The following SAMD11 variants were observed in gnomAD, a reference collection of about 807,000 sequenced individuals.
SAMD11 encodes the protein sterile alpha motif domain containing 11, also known as sterile alpha motif domain-containing protein 11.
Under a neutral mutation model 64.4 loss-of-function variants are expected in SAMD11, and 77 were observed. The ratio of observed to expected loss-of-function variants is 1.20; its 90% CI spans 0.99 to 1.44. The LOEUF is 1.44. SAMD11 is among the 40% of genes most tolerant of loss of function. The pLI, the probability that SAMD11 is intolerant of heterozygous loss-of-function variation, is 0.00. For missense variants in SAMD11, 1,402 were observed against 943.3 expected, an observed-to-expected ratio of 1.49 and a Z score of -6.37; for synonymous variants, 658 against 421.9, an observed-to-expected ratio of 1.56 and a Z score of -6.86.
intron 5 of SAMD11, 103 bp downstream of exon 5, chr1:935,999 C>A (rs1641414792): frequency 3.9e-6 from 5 of 1,265,914 alleles, no homozygotes; most frequent in Non-Finnish European, 5.5e-6. Context: ...GCCAGAGAGG[C>A]AGGAGGAGCG....
At chr1:941,846 T>C (rs1359147591) in intron 8 of SAMD11, among the ~76,000 whole-genome samples, 1 of 151,976 alleles carries the variant, frequency 6.6e-6, no homozygotes, top group African/African-American at 2.4e-5. Flanking sequence ...ACGCCCCCGC[T>C]TCCCCCGCCG....
Position 944,072 on chromosome 1 carries a change from C to T in SAMD11, c.2454C>T (p.Ala818=), listed in dbSNP as rs781320019. Residue 818 remains alanine, a synonymous_variant, in exon 14 of 14, where the codon GCC becomes GCT. Transcript: ENST00000616016. ...CCTATGGAGGGGGCCACGCCCTTGC[C>T]GGTCAAACTTCACCCAAGCAGGAGA... The part of the protein sequence containing the change: ...TSPYGGGHAL[A]GQTSPKQENG... The T allele has an allele frequency of 3.8e-5, 61 of 1,612,526 alleles. No homozygotes were observed. The highest frequency in any genetic ancestry group is 3.0e-4 in the Admixed American group (18 of 59,996).
At chr1:941,335 G>C (rs1425232025) in intron 8 of SAMD11, 29 bp downstream of exon 8, 1 of 1,507,712 alleles carries the variant, frequency 6.6e-7, no homozygotes, top group Non-Finnish European at 8.9e-7. Flanking sequence ...TTCTCTGCTT[G>C]TTTCTGGGGT....
chr1:927,584 A>T (rs1640955206), intron 2 of SAMD11, among the ~76,000 whole-genome samples: 1 of 152,086 alleles, frequency 6.6e-6, no homozygotes, highest in Admixed American at 6.5e-5. Context: ...TCCAGCCCCC[A>T]TGTTTCTTAC....
intron 10 of SAMD11, 21 bp downstream of exon 10, chr1:942,509 G>C (rs1219348370): frequency 1.4e-6 from 2 of 1,446,918 alleles, no homozygotes; most frequent in African/African-American, 3.0e-5. Context: ...GGAGGCGGGC[G>C]GGGCCGCGCG....
chr1:934,941 G>T lies in SAMD11; in HGVS notation c.843-831G>T, dbSNP rs144561831. Among the ~76,000 whole-genome samples the T allele has an allele frequency of 2.0e-4, 27 of 133,996 alleles. 2 individuals carry two copies. The highest frequency in any genetic ancestry group is 8.6e-4 in the African/African-American group (24 of 27,982). The allele number at this position is 133,996 out of a possible 152,430, so 87.9% of individuals were successfully genotyped here. A position where few individuals can be genotyped will look rare whatever the true frequency, so the allele number is the denominator to read the frequency against. ...TGCGTTACAGGTGGGCGGGGGGGGC[G>T]GCTGCGTTACAGGTGGGCGGGCGGT... is the stretch of plus-strand genomic sequence containing the variant. On this transcript the variant is annotated intron_variant, in intron 4 of 13. Transcript: ENST00000616016.
intron 12 of SAMD11, 87 bp downstream of exon 12, chr1:943,464 T>TC: frequency 8.4e-7 from 1 of 1,189,140 alleles, no homozygotes; most frequent in South Asian, 1.5e-5. Flanking sequence ...GTAGGGCCAT[T>TC]CCCCAACGCC....
At position 943,369 on chromosome 1, in the gene SAMD11, T is replaced by A; in HGVS notation, c.2170T>A (p.Tyr724Asn). ...FVGGLSGCGE[Y>N]TRVFREQGID... ...GGGGGGCCTGTCTGGCTGTGGAGAG[T>A]ACACTCGGGTAAGGGGGGGCCCCAG... The change falls in exon 12 of 14, where the codon TAC becomes AAC. Residue 724 changes from tyrosine (Y) to asparagine (N), a missense_variant. Physicochemically the swap from Tyr to Asn is moderately radical, Grantham distance 143. Transcript: ENST00000616016. 1 of 1,553,766 alleles carries A rather than the reference T, an allele frequency of 6.4e-7. No individual in the cohort carries two copies. The highest frequency in any genetic ancestry group is 8.7e-7 in the Non-Finnish European group (1 of 1,148,254).
chr1:941,416 A>G, intron 8 of SAMD11, 110 bp downstream of exon 8: 1 of 1,148,928 alleles, frequency 8.7e-7, no homozygotes, highest in Non-Finnish European at 1.2e-6. Context: ...GTTCAGCTCT[A>G]GGTTCGGGTC....
intron 2 of SAMD11, among the ~76,000 whole-genome samples, chr1:928,625 C>T (rs1641022791): frequency 6.6e-6 from 1 of 152,262 alleles, no homozygotes; most frequent in African/African-American, 2.4e-5. Context: ...GTGTTGGGGG[C>T]AGCCCAGGGT....
intron 5 of SAMD11, 59 bp downstream of exon 5, chr1:935,955 C>T (rs1157694220): frequency 2.5e-5 from 39 of 1,544,360 alleles, no homozygotes; most frequent in Non-Finnish European, 3.3e-5. Flanking sequence ...AGGACGGTGG[C>T]GTCTCCACTC....
chr1:925,765 G>T, intron 1 of SAMD11, 157 bp from the exon 2 acceptor site: 1 of 623,134 alleles, frequency 1.6e-6, no homozygotes, highest in African/African-American at 1.8e-5. Flanking sequence ...CGTTCGCGAG[G>T]GTGGGACGGG....
intron 2 of SAMD11, 71 bp downstream of exon 2, chr1:926,084 G>C: frequency 6.8e-7 from 1 of 1,475,398 alleles, no homozygotes; most frequent in Non-Finnish European, 9.4e-7. Flanking sequence ...GGTTTTCAGG[G>C]TTTTCAGGAT....
intron 7 of SAMD11, among the ~76,000 whole-genome samples, chr1:940,723 G>A (rs1017728123): frequency 5.3e-5 from 8 of 152,346 alleles, no homozygotes; most frequent in African/African-American, 1.7e-4. Flanking sequence ...GCTTTGGCCA[G>A]CCGCGTCTAC....
intron 2 of SAMD11, among the ~76,000 whole-genome samples, chr1:927,610 C>G (rs1419486098): frequency 6.6e-6 from 1 of 152,238 alleles, no homozygotes; most frequent in Non-Finnish European, 1.5e-5. Flanking sequence ...GGCTGTCTCC[C>G]CCAAGCCCCA....
intron 2 of SAMD11, among the ~76,000 whole-genome samples, chr1:927,257 C>G (rs999549827): frequency 6.6e-6 from 1 of 152,214 alleles, no homozygotes; most frequent in African/African-American, 2.4e-5. Flanking sequence ...TTTCAAGCAG[C>G]TGGTGCTGGA....
intron 7 of SAMD11, among the ~76,000 whole-genome samples, chr1:940,787 G>A (rs1471059210): frequency 1.3e-5 from 2 of 152,210 alleles, no homozygotes; most frequent in Non-Finnish European, 2.9e-5. Flanking sequence ...CCCCTGGGCG[G>A]TCAGCCCCTG....
At chr1:942,315 C>A in intron 9 of SAMD11, 64 bp downstream of exon 9, 1 of 1,064,374 alleles carries the variant, frequency 9.4e-7, no homozygotes, top group Non-Finnish European at 1.3e-6. Flanking sequence ...GGCCCTGCCC[C>A]TGTCGGAGCC....
chr1:940,146 C>T (rs1242121001), intron 7 of SAMD11, among the ~76,000 whole-genome samples: 1 of 152,204 alleles, frequency 6.6e-6, no homozygotes, highest in East Asian at 1.9e-4. Flanking sequence ...AGCTCAGGCA[C>T]CAAGAGCCTG....
Sources: allele counts gnomAD v4.1 joint callset (sites outside exome capture counted in the v4.1 genomes callset), GRCh38; gene constraint gnomAD v4.1.1; transcripts MANE v1.5; gene names NCBI Gene and HGNC (gene_info 2026-07-23, HGNC 2026-07-21).